DLC1: variants seen among roughly 807,000 people sequenced by gnomAD.
The protein encoded by DLC1 is rho GTPase-activating protein 7.
A neutral mutation model predicts 140.3 loss-of-function variants in DLC1; 54 were observed. The ratio of observed to expected loss-of-function variants is 0.38; its 90% CI spans 0.31 to 0.48. DLC1 has a LOEUF of 0.48. Among genes scored for constraint, DLC1 ranks in the 20% least tolerant of loss-of-function variants. The probability of loss-of-function intolerance (pLI) is 0.96; values close to 1 mark genes in which losing one functional copy is unlikely to be tolerated. For synonymous variants in DLC1, 986 were observed against 728.1 expected (o/e 1.35, Z -5.70); for missense variants, 2,536 against 1,907.0 (o/e 1.33, Z -6.14).
intron 2 of DLC1, among the ~76,000 whole-genome samples, chr8:13,404,782 G>C (rs1160452656): frequency 6.6e-6 from 1 of 152,070 alleles, no homozygotes; most frequent in East Asian, 1.9e-4. Context: ...TGAATCACTT[G>C]AGGTGAGGAG....
chr8:13,085,794 T>C lies in DLC1; in HGVS notation c.*17A>G, dbSNP rs779460223. 4.3e-6 allele frequency: 7 copies of C among 1,613,934 alleles called. No homozygotes were observed. In the Admixed American group the frequency reaches 1.0e-4, roughly 23 times the overall value. ...ACAAACACCATGGTGGTGGAAGCGG[T>C]TGCGTTGCTTCAGTGATCACCTAGA... On this transcript the variant is annotated 3_prime_UTR_variant, in exon 18 of 18. Transcript: ENST00000276297.
At chr8:13,134,118 G>A (rs568015859) in intron 5 of DLC1, among the ~76,000 whole-genome samples, 10 of 152,296 alleles carry the variant, frequency 6.6e-5, no homozygotes, top group African/African-American at 2.2e-4. Flanking sequence ...GCTCTCAGAT[G>A]ATTCTGATGG....
At chr8:13,598,045 C>T (rs1805739605) in intron 1 of DLC1, among the ~76,000 whole-genome samples, 1 of 152,042 alleles carries the variant, frequency 6.6e-6, no homozygotes, top group South Asian at 2.1e-4. Flanking sequence ...GTGGTCTGTC[C>T]TGTTTCTAAG....
At chr8:13,381,761 C>T (rs893246239) in intron 4 of DLC1, among the ~76,000 whole-genome samples, 29 of 152,178 alleles carry the variant, frequency 1.9e-4, no homozygotes, top group African/African-American at 7.0e-4. Context: ...ATTCTCAATA[C>T]CTGCAAACCA....
intron 1 of DLC1, among the ~76,000 whole-genome samples, chr8:13,600,974 T>G (rs1035192052): frequency 4.6e-5 from 7 of 151,924 alleles, no homozygotes; most frequent in Non-Finnish European, 7.4e-5. Flanking sequence ...TTTTATTATT[T>G]GTTTATTCAG....
chr8:13,575,922 G>A (rs11997679), intron 1 of DLC1, among the ~76,000 whole-genome samples: 63,236 of 152,030 alleles, frequency 0.42, 13,526 homozygotes, highest in Middle Eastern at 0.49. Context: ...GAGTATCTGT[G>A]TGGCAAGAGA....
intron 4 of DLC1, among the ~76,000 whole-genome samples, chr8:13,376,083 T>C (rs1835970148): frequency 6.6e-6 from 1 of 152,160 alleles, no homozygotes; most frequent in South Asian, 2.1e-4. Flanking sequence ...GGAAAACCTT[T>C]TCCCACATCG....
chr8:13,176,205 T>G (rs2116951006), intron 5 of DLC1, among the ~76,000 whole-genome samples: 1 of 152,324 alleles, frequency 6.6e-6, no homozygotes, highest in Middle Eastern at 3.4e-3. Context: ...TTTTCATTTC[T>G]TCTCCATTTC....
rs115121211 is a variant in DLC1 at position 13,533,573 on chromosome 8, A to G, written c.-125-33377T>C. Among the ~76,000 whole-genome samples, 527 of 152,326 alleles carry G rather than the reference A, an allele frequency of 3.5e-3. 3 individuals carry two copies. Among genetic ancestry groups the G allele is most frequent in the African/African-American group, 0.012 (505 of 41,576 alleles). Reference sequence around the variant, plus strand: ...AATGTTAGCTCAATTTTTCTGGACGAGGAAGTTGAGTTTCTGAGTCCTTGG... The same window carrying G: ...AATGTTAGCTCAATTTTTCTGGACGGGGAAGTTGAGTTTCTGAGTCCTTGG... On this transcript the variant is annotated intron_variant, in intron 1 of 1. Transcript: ENST00000631382.
chr8:13,087,917 G>A (rs746166070), intron 16 of DLC1, among the ~76,000 whole-genome samples: 1 of 152,144 alleles, frequency 6.6e-6, no homozygotes, highest in Non-Finnish European at 1.5e-5. Context: ...CCTAAAAGGG[G>A]CAAAAATCTG....
At chr8:13,366,872 C>T (rs1835506567) in intron 4 of DLC1, among the ~76,000 whole-genome samples, 1 of 152,068 alleles carries the variant, frequency 6.6e-6, no homozygotes, top group Non-Finnish European at 1.5e-5. Flanking sequence ...CCGGGCTCTC[C>T]CACACACACT....
Position 13,537,717 on chromosome 8 carries a change from G to C in DLC1, c.-125-37521C>G, listed in dbSNP as rs1480949791. Among the ~76,000 whole-genome samples the C allele has an allele frequency of 5.2e-5, 7 of 134,618 alleles. No individual in the cohort carries two copies. In the Admixed American group the frequency reaches 6.0e-4, roughly 12 times the overall value. 88.3% of individuals were successfully genotyped at this position (134,618 alleles called of 152,430 possible). A position where few individuals can be genotyped will look rare whatever the true frequency, so the allele number is the denominator to read the frequency against. ...CACCCAGGCTAGAATGCAGTGGCGC[G>C]ATCTCGGCTCACTGCAAGCTCCGCC... On this transcript the variant is annotated intron_variant, in intron 1 of 1. Transcript: ENST00000631382.
intron 1 of DLC1, among the ~76,000 whole-genome samples, chr8:13,579,108 C>G (rs1804950428): frequency 6.6e-6 from 1 of 150,618 alleles, no homozygotes; most frequent in Non-Finnish European, 1.5e-5. Flanking sequence ...CCAGACTCTC[C>G]TATCACTCAT....
intron 5 of DLC1, among the ~76,000 whole-genome samples, chr8:13,209,239 A>G (rs1357603765): frequency 1.3e-5 from 2 of 152,166 alleles, no homozygotes; most frequent in Non-Finnish European, 2.9e-5. Flanking sequence ...ATGTATCCTT[A>G]TAAATCTATA....
intron 4 of DLC1, among the ~76,000 whole-genome samples, chr8:13,360,369 A>T (rs1835165010): frequency 6.6e-6 from 1 of 152,212 alleles, no homozygotes; most frequent in Non-Finnish European, 1.5e-5. Context: ...ATTAGGGAGC[A>T]TATATTGGTA....
intron 5 of DLC1, chr8:13,276,538 G>A: frequency 7.7e-7 from 1 of 1,290,958 alleles, no homozygotes; most frequent in Non-Finnish European, 9.8e-7. Flanking sequence ...GCCCCGGGAA[G>A]CGCCAACTGC....
chr8:13,578,593 T>C (rs557749133), intron 1 of DLC1, among the ~76,000 whole-genome samples: 1 of 152,332 alleles, frequency 6.6e-6, no homozygotes, highest in African/African-American at 2.4e-5. Context: ...TGACCTGCTA[T>C]AAATCCAGGG....
At chr8:13,123,494 C>A (rs1329247609) in intron 5 of DLC1, among the ~76,000 whole-genome samples, 1 of 147,170 alleles carries the variant, frequency 6.8e-6, no homozygotes, top group Non-Finnish European at 1.5e-5. Flanking sequence ...GCGCCCGCCA[C>A]CACAATGAGC....
At chr8:13,321,347 G>A (rs1202468184) in intron 4 of DLC1, among the ~76,000 whole-genome samples, 2 of 151,824 alleles carry the variant, frequency 1.3e-5, no homozygotes, top group African/African-American at 4.8e-5. Flanking sequence ...AGACCATCCT[G>A]GTCAACATGG....
Sources: gnomAD v4.1 joint callset for allele counts (sites outside exome capture counted in the v4.1 genomes callset) on GRCh38, gnomAD v4.1.1 for gene constraint, MANE v1.5 for transcripts, NCBI Gene and HGNC (gene_info 2026-07-23, HGNC 2026-07-21) for gene names.